The following RALYL variants were observed in gnomAD, a reference collection of about 807,000 sequenced individuals.
RALYL encodes RNA-binding Raly-like protein.
A neutral mutation model predicts 35.1 loss-of-function variants in RALYL; 29 were observed. The ratio of observed to expected loss-of-function variants is 0.83; its 90% CI spans 0.61 to 1.13. RALYL has a LOEUF of 1.13. Ranked by LOEUF, RALYL falls within the 50% of genes most tolerant of loss-of-function variation. The pLI is 0.00. For missense variants in RALYL, 359 were observed against 360.4 expected (o/e 1.00, Z 0.03); for synonymous variants, 120 against 127.6 (o/e 0.94, Z 0.40).
chr8:84,400,611 G>C (rs1485369662), intron 1 of RALYL, among the ~76,000 whole-genome samples: 1 of 152,138 alleles, frequency 6.6e-6, no homozygotes, highest in African/African-American at 2.4e-5. Context: ...TTCTAAATCG[G>C]GCTTTATATT....
intron 2 of RALYL, among the ~76,000 whole-genome samples, chr8:84,691,199 A>C (rs995345676): frequency 1.3e-5 from 2 of 152,066 alleles, no homozygotes; most frequent in African/African-American, 4.8e-5. Context: ...GGATAACTTT[A>C]TATGGGATCT....
At chr8:84,851,016 GCTATTTCTT>G (rs1371793173) in intron 5 of RALYL, among the ~76,000 whole-genome samples, 2 of 151,940 alleles carry the variant, frequency 1.3e-5, no homozygotes, top group Non-Finnish European at 2.9e-5. Flanking sequence ...CCTATAATGA[GCTATTTCTT>G]CTGTAATTTC....
chr8:84,883,832 G>T (rs964437064), intron 7 of RALYL, among the ~76,000 whole-genome samples: 1 of 152,024 alleles, frequency 6.6e-6, no homozygotes, highest in African/African-American at 2.4e-5. Context: ...TAGCAATCAA[G>T]AAATAAATAT....
At chr8:84,250,241 A>G (rs948837099) in intron 1 of RALYL, among the ~76,000 whole-genome samples, 5 of 152,222 alleles carry the variant, frequency 3.3e-5, no homozygotes, top group Non-Finnish European at 7.3e-5. Context: ...ACTTCACATT[A>G]CAATGAGCAA....
chr8:84,734,842 T>C (rs1846932834), intron 2 of RALYL, among the ~76,000 whole-genome samples: 1 of 152,026 alleles, frequency 6.6e-6, no homozygotes, highest in African/African-American at 2.4e-5. Context: ...TGCACCAAAG[T>C]ACCTAGGAAT....
chr8:84,704,630 A>C (rs552703121), intron 2 of RALYL, among the ~76,000 whole-genome samples: 8 of 152,324 alleles, frequency 5.3e-5, no homozygotes, highest in South Asian at 2.1e-4. Flanking sequence ...CAGCAGTGGA[A>C]TGTACAGTAA....
intron 1 of RALYL, among the ~76,000 whole-genome samples, chr8:84,429,191 G>A (rs983691780): frequency 2.6e-5 from 4 of 152,130 alleles, no homozygotes; most frequent in African/African-American, 9.7e-5. Flanking sequence ...TGTTGGAATG[G>A]TAATTGGATT....
At chr8:84,288,535 A>T (rs1243023917) in intron 1 of RALYL, among the ~76,000 whole-genome samples, 1 of 149,678 alleles carries the variant, frequency 6.7e-6, no homozygotes, top group South Asian at 2.1e-4. Context: ...GTCATGTTGT[A>T]TCTTTTTTCT....
At chr8:84,657,742 A>T (rs1404092663) in intron 2 of RALYL, among the ~76,000 whole-genome samples, 1 of 152,204 alleles carries the variant, frequency 6.6e-6, no homozygotes. Flanking sequence ...TGGGAGATCC[A>T]GGAAACTGTG....
At chr8:84,460,556 A>T (rs911232723) in intron 1 of RALYL, among the ~76,000 whole-genome samples, 2 of 151,682 alleles carry the variant, frequency 1.3e-5, no homozygotes, top group Admixed American at 6.6e-5. Context: ...AAAGAAAAAC[A>T]TCAAGGTTCA....
intron 1 of RALYL, among the ~76,000 whole-genome samples, chr8:84,456,701 T>A (rs1261815996): frequency 2.0e-5 from 3 of 151,992 alleles, no homozygotes; most frequent in African/African-American, 7.2e-5. Flanking sequence ...TGAATACAAG[T>A]GACTGAGATT....
At chr8:84,562,274 A>G in intron 2 of RALYL, among the ~76,000 whole-genome samples, 1 of 151,966 alleles carries the variant, frequency 6.6e-6, no homozygotes, top group African/African-American at 2.4e-5. Context: ...ATTTGCATAA[A>G]GAGAGTGAAC....
chr8:84,752,463 T>C (rs1810308144), intron 2 of RALYL, among the ~76,000 whole-genome samples: 1 of 152,144 alleles, frequency 6.6e-6, no homozygotes, highest in Non-Finnish European at 1.5e-5. Flanking sequence ...GTGGAGGAAT[T>C]CAAGCAGGCT....
intron 2 of RALYL, among the ~76,000 whole-genome samples, chr8:84,652,318 G>C (rs1357784262): frequency 6.6e-6 from 1 of 151,996 alleles, no homozygotes; most frequent in Non-Finnish European, 1.5e-5. Flanking sequence ...TACTATATTT[G>C]ATGATTCCAT....
intron 2 of RALYL, among the ~76,000 whole-genome samples, chr8:84,762,267 T>C (rs1812899593): frequency 6.6e-6 from 1 of 152,168 alleles, no homozygotes; most frequent in Non-Finnish European, 1.5e-5. Context: ...ATGTTTTGTG[T>C]TCTTACTTTT....
intron 2 of RALYL, among the ~76,000 whole-genome samples, chr8:84,582,879 T>C (rs1811148461): frequency 7.0e-6 from 1 of 143,812 alleles, no homozygotes; most frequent in Non-Finnish European, 1.6e-5. Flanking sequence ...CTCATCATAA[T>C]GACCAATGTT....
At chr8:84,430,659 C>A (rs2047050113) in intron 1 of RALYL, among the ~76,000 whole-genome samples, 1 of 152,006 alleles carries the variant, frequency 6.6e-6, no homozygotes, top group Admixed American at 6.6e-5. Context: ...GACACAGAAG[C>A]ACTTTTTATA....
At chr8:84,557,939 C>T (rs1452437388) in intron 2 of RALYL, among the ~76,000 whole-genome samples, 3 of 152,228 alleles carry the variant, frequency 2.0e-5, no homozygotes, top group African/African-American at 4.8e-5. Context: ...GTCTACAGAA[C>T]CTGAAGCATA....
At chr8:84,594,686 T>G (rs1007503939) in intron 2 of RALYL, among the ~76,000 whole-genome samples, 3 of 152,118 alleles carry the variant, frequency 2.0e-5, no homozygotes, top group Admixed American at 1.3e-4. Flanking sequence ...AACGTACTTG[T>G]GGCTAGCATA....
Sources: allele counts gnomAD v4.1 joint callset (sites outside exome capture counted in the v4.1 genomes callset), GRCh38; gene constraint gnomAD v4.1.1; transcripts MANE v1.5; gene names NCBI Gene and HGNC (gene_info 2026-07-23, HGNC 2026-07-21).